AFF2: variants seen among roughly 807,000 people sequenced by gnomAD.
AFF2 encodes the protein ALF transcription elongation factor 2.
Under a neutral mutation model 76.9 loss-of-function variants are expected in AFF2, and 14 were observed. That is an observed-to-expected ratio of 0.18 (90% CI 0.12 to 0.28). The LOEUF is 0.28. AFF2 is among the 10% of genes least tolerant of loss of function. The pLI, the probability that AFF2 is intolerant of heterozygous loss-of-function variation, is 1.00. For missense variants in AFF2, 868 were observed against 1,001.1 expected (o/e 0.87, Z 1.79); for synonymous variants, 398 against 366.7 (o/e 1.09, Z -0.98).
At chrX:148,602,765 T>C (rs1187149775) in intron 1 of AFF2, among the ~76,000 whole-genome samples, 1 of 110,578 alleles carries the variant, frequency 9.0e-6, no homozygotes, top group Admixed American at 9.6e-5. Flanking sequence ...CTTGGACATA[T>C]TCTCTAAGCT....
At chrX:148,595,072 G>A (rs1160249793) in intron 1 of AFF2, among the ~76,000 whole-genome samples, 1 of 112,051 alleles carries the variant, frequency 8.9e-6, no homozygotes, top group Non-Finnish European at 1.9e-5. Context: ...AAGGGAGGAA[G>A]GTAGGAGAGA....
At position 148,649,507 on chromosome X, in the gene AFF2, A is replaced by G. The variant is rs1190094622; in HGVS notation, c.48-2492A>G. Among the ~76,000 whole-genome samples, 3 of 112,462 alleles carry G rather than the reference A, an allele frequency of 2.7e-5. No homozygotes were observed. The East Asian group carries it at 8.4e-4, about 31-fold the overall frequency. ...AATTCATTCTCGCCAGAGATATGAG[A>G]ATTAACTGTTCTTTGTCGGATGTGT... On this transcript the variant is annotated intron_variant, in intron 1 of 20. Transcript: ENST00000370460.
At chrX:148,765,417 T>C (rs2069501420) in intron 3 of AFF2, among the ~76,000 whole-genome samples, 1 of 111,610 alleles carries the variant, frequency 9.0e-6, no homozygotes, top group African/African-American at 3.3e-5. Context: ...CCTAATTTCA[T>C]TTTTCTTGGA....
intron 9 of AFF2, among the ~76,000 whole-genome samples, chrX:148,933,776 G>A (rs1557284675): frequency 8.9e-6 from 1 of 111,965 alleles, no homozygotes; most frequent in Non-Finnish European, 1.9e-5. Context: ...AGACCATATG[G>A]AAATATTTAA....
chrX:148,863,572 T>C (rs146620768), intron 7 of AFF2, among the ~76,000 whole-genome samples: 133 of 112,160 alleles, frequency 1.2e-3, no homozygotes, highest in African/African-American at 4.2e-3. Context: ...ACATGTACTT[T>C]TTCAAGGGCA....
At chrX:148,848,204 G>A (rs782024208) in intron 7 of AFF2, among the ~76,000 whole-genome samples, 58 of 110,532 alleles carry the variant, frequency 5.2e-4, no homozygotes, top group African/African-American at 1.9e-3. Flanking sequence ...AAATTATACC[G>A]CTCTGTTTTC....
chrX:148,640,370 A>G (rs1467059048), intron 1 of AFF2, among the ~76,000 whole-genome samples: 6 of 111,931 alleles, frequency 5.4e-5, no homozygotes, highest in Non-Finnish European at 1.1e-4. Context: ...TTTAATAAAT[A>G]AGCCTTCTAC....
intron 9 of AFF2, among the ~76,000 whole-genome samples, chrX:148,944,978 G>A (rs2071883540): frequency 9.0e-6 from 1 of 111,584 alleles, no homozygotes; most frequent in Admixed American, 9.5e-5. Context: ...TTATCGTGTT[G>A]TGGTGCAAAT....
At chrX:148,908,642 G>T (rs148788680) in intron 9 of AFF2, among the ~76,000 whole-genome samples, 1 of 111,639 alleles carries the variant, frequency 9.0e-6, no homozygotes, top group Non-Finnish European at 1.9e-5. Context: ...TGAAAATTGT[G>T]TACAGTTTTA....
chrX:148,529,100 A>T (rs1291599761), intron 1 of AFF2, among the ~76,000 whole-genome samples: 1 of 112,224 alleles, frequency 8.9e-6, no homozygotes, highest in Non-Finnish European at 1.9e-5. Flanking sequence ...AATCATAAAG[A>T]TTTATAAACA....
chrX:148,730,324 G>T (rs1173159494), intron 3 of AFF2, among the ~76,000 whole-genome samples: 1 of 112,323 alleles, frequency 8.9e-6, no homozygotes, highest in Non-Finnish European at 1.9e-5. Context: ...CCTAGATGAT[G>T]AGTTTGCCTG....
chrX:148,839,855 T>G (rs2070574549), intron 5 of AFF2, among the ~76,000 whole-genome samples: 1 of 108,989 alleles, frequency 9.2e-6, no homozygotes, highest in South Asian at 4.1e-4. Context: ...CCTGTTCAAG[T>G]TCCTCTAAAC....
intron 1 of AFF2, among the ~76,000 whole-genome samples, chrX:148,640,616 C>T (rs1356477511): frequency 8.9e-6 from 1 of 112,463 alleles, no homozygotes; most frequent in Admixed American, 9.4e-5. Flanking sequence ...CGAGAGACAA[C>T]GTGCTATAAT....
intron 3 of AFF2, among the ~76,000 whole-genome samples, chrX:148,791,289 A>G (rs1557269907): frequency 8.9e-6 from 1 of 112,099 alleles, no homozygotes; most frequent in Non-Finnish European, 1.9e-5. Context: ...AAGGTGAATG[A>G]GGAGCAAAGT....
At chrX:148,800,252 A>G (rs1475827165) in intron 3 of AFF2, among the ~76,000 whole-genome samples, 1 of 111,916 alleles carries the variant, frequency 8.9e-6, no homozygotes, top group Non-Finnish European at 1.9e-5. Flanking sequence ...ATCCACTGGC[A>G]ATTAAGACAA....
At chrX:148,889,534 A>G (rs1421142678) in intron 8 of AFF2, among the ~76,000 whole-genome samples, 1 of 112,452 alleles carries the variant, frequency 8.9e-6, no homozygotes, top group Non-Finnish European at 1.9e-5. Context: ...AAAGTCAGAG[A>G]TATGTAATCA....
chrX:148,663,244 G>A (rs782262635), intron 3 of AFF2, among the ~76,000 whole-genome samples: 68 of 111,814 alleles, frequency 6.1e-4, no homozygotes, highest in Non-Finnish European at 9.8e-4. Context: ...AGTAGAAGGC[G>A]TTCTTTAAGA....
rs186728653 is a variant in AFF2 at position 148,858,755 on chromosome X, C to T, written c.1262+15322C>T. On this transcript the variant is annotated intron_variant, in intron 7 of 20. Transcript: ENST00000370460. ...ACATTAAAAAACTATAAAATAACAC[C>T]GAAGTACATAAACAAGGTTTGAAAG... 2.7e-3 allele frequency among the ~76,000 whole-genome samples: 296 copies of T among 109,865 alleles called. 2 individuals are homozygous for T. The highest frequency in any genetic ancestry group is 2.8e-3 in the Non-Finnish European group (149 of 52,341).
At chrX:148,924,914 C>T (rs781976948) in intron 9 of AFF2, among the ~76,000 whole-genome samples, 2 of 112,566 alleles carry the variant, frequency 1.8e-5, no homozygotes, top group East Asian at 5.6e-4. Context: ...GACAGCCCAG[C>T]CAGATCTACT....
Sources: gnomAD v4.1 joint callset for allele counts (sites outside exome capture counted in the v4.1 genomes callset) on GRCh38, gnomAD v4.1.1 for gene constraint, MANE v1.5 for transcripts, NCBI Gene and HGNC (gene_info 2026-07-23, HGNC 2026-07-21) for gene names.